RNF141: variants seen among roughly 807,000 people sequenced by gnomAD.
RNF141 encodes the protein ring finger protein 141, also known as C3HC4-like zinc finger protein.
Under a neutral mutation model 27.4 loss-of-function variants are expected in RNF141, and 18 were observed. The ratio of observed to expected loss-of-function variants is 0.66; its 90% CI spans 0.45 to 0.97. RNF141 has a LOEUF of 0.97. RNF141 is among the 50% of genes least tolerant of loss of function. RNF141 has a pLI of 0.00. For synonymous variants in RNF141, 97 were observed against 96.6 expected, an observed-to-expected ratio of 1.00 and a Z score of -0.02; for missense variants, 230 against 279.4, an observed-to-expected ratio of 0.82 and a Z score of 1.26.
intron 3 of RNF141, among the ~76,000 whole-genome samples, chr11:10,528,898 T>C (rs1034598729): frequency 5.3e-5 from 8 of 152,146 alleles, no homozygotes; most frequent in African/African-American, 1.9e-4. Context: ...TAAACAACTT[T>C]TTTCGTAATG....
chr11:10,519,485 G>C (rs1346902067), intron 4 of RNF141, among the ~76,000 whole-genome samples: 2 of 152,188 alleles, frequency 1.3e-5, no homozygotes, highest in Non-Finnish European at 2.9e-5. Flanking sequence ...AACCGATATA[G>C]TTATTGCATT....
chr11:10,530,404 A>C (rs2133972975), intron 3 of RNF141, among the ~76,000 whole-genome samples: 1 of 152,330 alleles, frequency 6.6e-6, no homozygotes, highest in Middle Eastern at 3.4e-3. Flanking sequence ...AGTATGATGT[A>C]ATGGTTAGAG....
At chr11:10,531,749 C>G (rs773738293) in intron 2 of RNF141, 1 of 194,330 alleles carries the variant, frequency 5.1e-6, no homozygotes, top group Non-Finnish European at 1.1e-5. Context: ...ACTAACAACT[C>G]TCTCTGAGCA....
At chr11:10,518,653 G>T (rs961624627) in intron 5 of RNF141, 6 of 161,392 alleles carry the variant, frequency 3.7e-5, no homozygotes, top group African/African-American at 1.2e-4. Context: ...TAATGAACTT[G>T]ACTAGCTGAT....
intron 3 of RNF141, among the ~76,000 whole-genome samples, chr11:10,528,579 T>C (rs1849959739): frequency 6.6e-6 from 1 of 152,214 alleles, no homozygotes; most frequent in Admixed American, 6.5e-5. Flanking sequence ...GCCTGATATA[T>C]TCGTATTCCC....
chr11:10,527,537 G>A (rs1169016767), intron 3 of RNF141, among the ~76,000 whole-genome samples: 2 of 152,148 alleles, frequency 1.3e-5, no homozygotes, highest in African/African-American at 2.4e-5. Context: ...AGTGACAGAC[G>A]GACAGAGGAA....
chr11:10,518,622 C>T (rs1425968591), intron 5 of RNF141: 1 of 156,742 alleles, frequency 6.4e-6, no homozygotes, highest in Non-Finnish European at 1.4e-5. Context: ...ATCCTAAACG[C>T]TCAAGTCTTA....
intron 1 of RNF141, among the ~76,000 whole-genome samples, chr11:10,538,204 G>T (rs1321064788): frequency 6.6e-6 from 1 of 152,116 alleles, no homozygotes; most frequent in African/African-American, 2.4e-5. Context: ...ACTGTACTTG[G>T]TATCTGGGAA....
rs117752844 is a variant in RNF141, at chr11:10,527,785, G to C, written c.253-2412C>G. ...AGAAGCAGGGCAAGAGAAGCAGGGA[G>C]ATCAGTTAGGAGGCTACTGGAATAA... On this transcript the variant is annotated intron_variant, in intron 3 of 5. Coordinates refer to ENST00000265981, the MANE Select transcript of RNF141 (RefSeq NM_016422.4). 8.6e-3 allele frequency among the ~76,000 whole-genome samples: 1,305 copies of C among 152,274 alleles called. 11 individuals are homozygous for C. Among genetic ancestry groups the C allele is most frequent in the South Asian group, 0.016 (78 of 4,820 alleles).
chr11:10,536,604 G>T (rs1850039169), intron 1 of RNF141, among the ~76,000 whole-genome samples: 1 of 152,132 alleles, frequency 6.6e-6, no homozygotes, highest in Non-Finnish European at 1.5e-5. Context: ...AAATACAGAA[G>T]GTCTGGGTTT....
chr11:10,517,009 AC>A (rs1355451429), intron 5 of RNF141: 1 of 152,238 alleles, frequency 6.6e-6, no homozygotes, highest in African/African-American at 2.4e-5. Flanking sequence ...TACCAGACAT[AC>A]AAAAAAGCAG....
chr11:10,524,855 C>G (rs2133969642), intron 4 of RNF141, among the ~76,000 whole-genome samples: 1 of 152,216 alleles, frequency 6.6e-6, no homozygotes, highest in East Asian at 1.9e-4. Flanking sequence ...TGACCTAATT[C>G]CCTAAAAAGC....
chr11:10,515,463 T>C (rs1591495507), intron 5 of RNF141: 1 of 155,376 alleles, frequency 6.4e-6, no homozygotes, highest in East Asian at 1.9e-4. Flanking sequence ...GGACATTTAG[T>C]TTTTTTTCCC....
intron 2 of RNF141, among the ~76,000 whole-genome samples, chr11:10,533,138 T>G (rs1452558092): frequency 1.3e-5 from 2 of 152,190 alleles, no homozygotes; most frequent in Non-Finnish European, 1.5e-5. Context: ...AAGGTAGATG[T>G]GGATGTTGCT....
rs1437463179 is a variant in RNF141 at position 10,514,906 on chromosome 11, C to G, written c.*10G>C. On this transcript the variant is annotated 3_prime_UTR_variant, in exon 6 of 6. Transcript: ENST00000265981. ...GCCCACAATAGCAACAGAAGACTTT[C>G]ACTTCAAGGTCATGGCCTGTGGGGC... 1.3e-6 allele frequency: 2 copies of G among 1,598,886 alleles called. No individual in the cohort carries two copies. The highest frequency in any genetic ancestry group is 1.7e-6 in the Non-Finnish European group (2 of 1,173,064).
intron 4 of RNF141, among the ~76,000 whole-genome samples, chr11:10,521,242 T>C (rs1390631550): frequency 6.6e-6 from 1 of 152,202 alleles, no homozygotes; most frequent in African/African-American, 2.4e-5. Context: ...AACATCATCA[T>C]CTCTCTGCTC....
Position 10,534,095 on chromosome 11 carries a change from T to C in RNF141, c.64A>G (p.Lys22Glu), listed in dbSNP as rs1293238581. 1.5e-5 allele frequency: 24 copies of C among 1,613,642 alleles called. No homozygotes were observed. Among genetic ancestry groups the C allele is most frequent in the Non-Finnish European group, 1.8e-5 (21 of 1,179,750 alleles). ...CTCTCTCGAACCAACGTAACATGTT[T>C]TGCTACTTTTTCTGGTAACTTGTTA... ...VINKLPEKVA[K>E]HVTLVRESGS... Residue 22 changes from lysine to glutamate, a missense_variant, in exon 2 of 6, where the codon AAA becomes GAA. Coordinates refer to ENST00000265981, the MANE Select transcript of RNF141 (RefSeq NM_016422.4).
chr11:10,526,541 T>C (rs1003256368), intron 3 of RNF141, among the ~76,000 whole-genome samples: 2 of 152,108 alleles, frequency 1.3e-5, no homozygotes, highest in African/African-American at 2.4e-5. Context: ...CCCAGCACTT[T>C]GGGAGGCCGA....
chr11:10,533,013 T>C (rs1187167678), intron 2 of RNF141, among the ~76,000 whole-genome samples: 1 of 152,210 alleles, frequency 6.6e-6, no homozygotes, highest in African/African-American at 2.4e-5. Context: ...ACTATGTGCT[T>C]AGTGAATGTT....
Sources: allele counts gnomAD v4.1 joint callset (sites outside exome capture counted in the v4.1 genomes callset), GRCh38; gene constraint gnomAD v4.1.1; transcripts MANE v1.5; gene names NCBI Gene and HGNC (gene_info 2026-07-23, HGNC 2026-07-21).